Variants in ETFA observed in about 807,000 individuals in gnomAD.
The protein encoded by ETFA is electron transfer flavoprotein subunit alpha, mitochondrial.
Under a neutral mutation model 46.2 loss-of-function variants are expected in ETFA, and 22 were observed. That is an observed-to-expected ratio of 0.48 (90% CI 0.34 to 0.68). The LOEUF (loss-of-function observed/expected upper bound fraction) is 0.68, where lower values mean the gene tolerates loss of function less well. ETFA is among the 30% of genes least tolerant of loss of function. The pLI, the probability that ETFA is intolerant of heterozygous loss-of-function variation, is 0.01. For missense variants in ETFA, 345 were observed against 401.1 expected (o/e 0.86, Z 1.19); for synonymous variants, 131 against 139.9 (o/e 0.94, Z 0.45).
rs1379336424 is a variant in ETFA at position 76,272,805 on chromosome 15, A to AATATATAT, written c.816+1606_816+1607insATATATAT. Among the ~76,000 whole-genome samples, 44 of 78,550 alleles carry AATATATAT rather than the reference A, an allele frequency of 5.6e-4. No homozygotes were observed. The South Asian group carries it at 0.014, about 24-fold the overall frequency. The allele number at this position is 78,550 out of a possible 152,430, so 51.5% of individuals were successfully genotyped here. ...AACATAGCAAGACCCTGTCTCTTAAAATATATACATATATATATATATATA... is the reference window on the plus strand; with the variant it reads ...AACATAGCAAGACCCTGTCTCTTAAAATATATATATATATACATATATATATATATATA... On this transcript the variant is annotated intron_variant, in intron 9 of 11. Transcript: ENST00000557943.
chr15:76,242,028 G>A (rs1360055434), intron 9 of ETFA, among the ~76,000 whole-genome samples: 1 of 151,838 alleles, frequency 6.6e-6, no homozygotes, highest in African/African-American at 2.4e-5. Flanking sequence ...GTAGAGACAA[G>A]GTTTCACCAT....
chr15:76,263,783 C>G (rs184127093), intron 9 of ETFA, among the ~76,000 whole-genome samples: 1 of 151,992 alleles, frequency 6.6e-6, no homozygotes, highest in Non-Finnish European at 1.5e-5. Flanking sequence ...AAGAGGAGGA[C>G]GAGTGTAAAA....
chr15:76,243,258 G>A (rs1482325597), intron 9 of ETFA, among the ~76,000 whole-genome samples: 1 of 148,654 alleles, frequency 6.7e-6, no homozygotes, highest in African/African-American at 2.5e-5. Context: ...GCAGTAGAGT[G>A]AGACTCCATC....
chr15:76,304,294 T>G (rs2039914191), intron 1 of ETFA, among the ~76,000 whole-genome samples: 1 of 152,032 alleles, frequency 6.6e-6, no homozygotes, highest in South Asian at 2.1e-4. Context: ...TATTTGAGGG[T>G]GGAGGGTGGG....
intron 8 of ETFA, among the ~76,000 whole-genome samples, chr15:76,279,325 G>C (rs1298985257): frequency 6.6e-6 from 1 of 152,030 alleles, no homozygotes; most frequent in African/African-American, 2.4e-5. Flanking sequence ...ACCCAGGCTG[G>C]AGTGCAGTGG....
chr15:76,290,031 G>A (rs2039743903), intron 4 of ETFA, among the ~76,000 whole-genome samples: 1 of 152,142 alleles, frequency 6.6e-6, no homozygotes, highest in Admixed American at 6.5e-5. Flanking sequence ...GGTCCACAAA[G>A]ATTATTTCAC....
chr15:76,269,326 G>A (rs2039505123), intron 9 of ETFA, among the ~76,000 whole-genome samples: 1 of 152,194 alleles, frequency 6.6e-6, no homozygotes, highest in Admixed American at 6.5e-5. Context: ...CTGGGGTCCA[G>A]GGTCTAAAAT....
At chr15:76,298,754 C>T (rs1401986614) in intron 1 of ETFA, among the ~76,000 whole-genome samples, 1 of 151,894 alleles carries the variant, frequency 6.6e-6, no homozygotes, top group Non-Finnish European at 1.5e-5. Flanking sequence ...TCTAAGATTG[C>T]ACTTGGCAAA....
chr15:76,274,593 C>A, intron 8 of ETFA, 99 bp from the exon 9 acceptor site: 3 of 921,242 alleles, frequency 3.3e-6, no homozygotes, highest in Non-Finnish European at 5.2e-6. Flanking sequence ...ATTTAGAATT[C>A]TAAGTACTAG....
chr15:76,286,470 A>G lies in ETFA; in HGVS notation c.463T>C (p.Cys155Arg). 1.2e-6 allele frequency: 2 copies of G among 1,608,164 alleles called. No homozygotes were observed. The highest frequency in any genetic ancestry group is 1.7e-5 in the Admixed American group (1 of 59,980). The change falls in exon 6 of 12, where the codon TGT becomes CGT. Residue 155 changes from cysteine to arginine, a missense_variant. Transcript: ENST00000557943. ...ACTTTCTCATCACACTTCACTGTACATAGAGCATTTCCTGAAACATACAAT... is the reference window on the plus strand; with the variant it reads ...ACTTTCTCATCACACTTCACTGTACGTAGAGCATTTCCTGAAACATACAAT... ...VRTIYAGNAL[C>R]TVKCDEKVKV...
At chr15:76,241,527 G>A (rs1050723148) in intron 9 of ETFA, among the ~76,000 whole-genome samples, 4 of 151,958 alleles carry the variant, frequency 2.6e-5, no homozygotes, top group South Asian at 4.2e-4. Flanking sequence ...TTGGCTGGGC[G>A]CAGTGGCTCA....
chr15:76,286,316 T>C (rs1352482460), intron 6 of ETFA, 55 bp downstream of exon 6: 1 of 933,846 alleles, frequency 1.1e-6, no homozygotes, highest in East Asian at 2.5e-5. Flanking sequence ...TATAATACAG[T>C]CTATGAATTA....
Position 76,216,514 on chromosome 15 carries a change from T to TG in ETFA, c.*44dup, listed in dbSNP as rs1432569287. On this transcript the variant is annotated 3_prime_UTR_variant, in exon 12 of 12. Transcript: ENST00000557943. ...TACCCACAAATATCTGTGATTTCAG[T>TG]GGAATACTTTAACAAAAGTTTTCTT... is the stretch of plus-strand genomic sequence containing the variant. 2.8e-6 allele frequency: 3 copies of TG among 1,074,690 alleles called. No individual in the cohort carries two copies. The highest frequency in any genetic ancestry group is 4.4e-6 in the Non-Finnish European group (3 of 689,058). 66.6% of individuals were successfully genotyped at this position (1,074,690 alleles called of 1,614,324 possible). A position where few individuals can be genotyped will look rare whatever the true frequency, so the allele number is the denominator to read the frequency against.
intron 9 of ETFA, chr15:76,259,877 T>G: frequency 7.6e-7 from 1 of 1,324,128 alleles, no homozygotes; most frequent in Non-Finnish European, 1.1e-6. Context: ...CAGGTCCCCA[T>G]GCTTCATGAA....
At chr15:76,242,579 C>T (rs2039203422) in intron 9 of ETFA, among the ~76,000 whole-genome samples, 2 of 152,192 alleles carry the variant, frequency 1.3e-5, no homozygotes, top group Non-Finnish European at 2.9e-5. Flanking sequence ...GGGACTCAAA[C>T]AGATACTTGC....
intron 10 of ETFA, chr15:76,228,795 C>T (rs1302541724): frequency 6.5e-6 from 1 of 154,174 alleles, no homozygotes; most frequent in Non-Finnish European, 1.4e-5. Context: ...CGTTCTGTCA[C>T]CCTGGCTGGA....
At chr15:76,220,208 A>C (rs747494600) in intron 11 of ETFA, among the ~76,000 whole-genome samples, 16 of 152,298 alleles carry the variant, frequency 1.1e-4, no homozygotes, top group Non-Finnish European at 1.8e-4. Flanking sequence ...CTGGGGCTAT[A>C]GGTGCGTGCC....
chr15:76,248,840 C>T (rs1404400070), intron 9 of ETFA, among the ~76,000 whole-genome samples: 1 of 151,490 alleles, frequency 6.6e-6, no homozygotes, highest in African/African-American at 2.4e-5. Flanking sequence ...TTGCACCACT[C>T]CACTCCAGCC....
intron 9 of ETFA, among the ~76,000 whole-genome samples, chr15:76,247,732 G>A (rs1392190883): frequency 6.6e-6 from 1 of 152,136 alleles, no homozygotes; most frequent in East Asian, 1.9e-4. Flanking sequence ...AACTGATACT[G>A]TACAGTTTCC....
Sources: gnomAD v4.1 joint callset for allele counts (sites outside exome capture counted in the v4.1 genomes callset) on GRCh38, gnomAD v4.1.1 for gene constraint, MANE v1.5 for transcripts, NCBI Gene and HGNC (gene_info 2026-07-23, HGNC 2026-07-21) for gene names.